Variants in RPS6KC1 observed in about 807,000 individuals in gnomAD.
RPS6KC1 encodes ribosomal protein S6 kinase C1.
In RPS6KC1, 54 loss-of-function variants were observed where a neutral mutation model predicts 103.8. The ratio of observed to expected loss-of-function variants is 0.52; its 90% CI spans 0.42 to 0.65. The LOEUF (loss-of-function observed/expected upper bound fraction) is 0.65, where lower values mean the gene tolerates loss of function less well. RPS6KC1 is among the 30% of genes least tolerant of loss of function. The pLI is 0.00. For synonymous variants in RPS6KC1, 439 were observed against 438.7 expected, an observed-to-expected ratio of 1.00 and a Z score of -0.01; for missense variants, 1,151 against 1,253.8, an observed-to-expected ratio of 0.92 and a Z score of 1.24.
At chr1:213,584,274 T>A in the RPS6KC1 span, among the ~76,000 whole-genome samples, 1 of 152,210 alleles carries the variant, frequency 6.6e-6, no homozygotes, top group African/African-American at 2.4e-5. Context: ...CAGTCTCAGG[T>A]ATGTCTTTAT....
chr1:213,644,313 C>G, the RPS6KC1 span, among the ~76,000 whole-genome samples: 1 of 152,072 alleles, frequency 6.6e-6, no homozygotes, highest in Non-Finnish European at 1.5e-5. Context: ...TCTCCATTAT[C>G]AACATCCCCC....
chr1:213,240,679 T>G, intron 10 of RPS6KC1, 23 bp from the exon 11 acceptor site: 1 of 1,553,582 alleles, frequency 6.4e-7, no homozygotes, highest in African/African-American at 1.4e-5. Context: ...TACTTTTGTT[T>G]GTTTTGTTAT....
chr1:213,303,032 A>G, the RPS6KC1 span, among the ~76,000 whole-genome samples: 1 of 152,220 alleles, frequency 6.6e-6, no homozygotes, highest in African/African-American at 2.4e-5. Flanking sequence ...GTGTGGGCAC[A>G]CTAAAGATTT....
At chr1:213,825,046 G>T in the RPS6KC1 span, among the ~76,000 whole-genome samples, 1 of 152,112 alleles carries the variant, frequency 6.6e-6, no homozygotes, top group Admixed American at 6.5e-5. Context: ...AGAGAGGGAG[G>T]GATGTCTCTC....
chr1:213,266,153 A>G (rs748490796), intron 14 of RPS6KC1, among the ~76,000 whole-genome samples: 3 of 152,238 alleles, frequency 2.0e-5, no homozygotes, highest in Non-Finnish European at 4.4e-5. Context: ...GATGAAGCAT[A>G]TATTGGAATT....
the RPS6KC1 span, among the ~76,000 whole-genome samples, chr1:213,542,409 T>C: frequency 6.6e-6 from 1 of 152,302 alleles, no homozygotes; most frequent in South Asian, 2.1e-4. Context: ...AGTGTCCCCA[T>C]CTTCAGAAGG....
the RPS6KC1 span, among the ~76,000 whole-genome samples, chr1:213,496,028 A>G: frequency 6.6e-6 from 1 of 152,192 alleles, no homozygotes; most frequent in African/African-American, 2.4e-5. Context: ...AGGAGCTCAA[A>G]AGATACTTTT....
the RPS6KC1 span, among the ~76,000 whole-genome samples, chr1:213,437,662 T>C: frequency 1.3e-5 from 2 of 151,902 alleles, no homozygotes; most frequent in African/African-American, 4.8e-5. Flanking sequence ...ATACACACTA[T>C]TCAGATTTTT....
chr1:213,268,937 G>A (rs1292261256), intron 14 of RPS6KC1, among the ~76,000 whole-genome samples: 1 of 151,980 alleles, frequency 6.6e-6, no homozygotes, highest in Non-Finnish European at 1.5e-5. Context: ...GGCAGTAAAG[G>A]AAGAACAAAT....
At chr1:213,602,120 C>CTTTCTTTCTT in the RPS6KC1 span, among the ~76,000 whole-genome samples, 18 of 5,146 alleles carry the variant, frequency 3.5e-3, 1 homozygote, top group Middle Eastern at 0.083. Context: ...TTCTTTCTTT[C>CTTTCTTTCTT]TCTTTCTTTC....
chr1:213,277,746 C>T (rs992721012), downstream of RPS6KC1, among the ~76,000 whole-genome samples: 2 of 152,196 alleles, frequency 1.3e-5, no homozygotes, highest in South Asian at 4.1e-4. Context: ...TGAGTGTTTG[C>T]GAAGGGCTGT....
At chr1:213,628,713 G>A in the RPS6KC1 span, among the ~76,000 whole-genome samples, 8 of 151,762 alleles carry the variant, frequency 5.3e-5, no homozygotes, top group African/African-American at 1.7e-4. Flanking sequence ...TTCTCTTGTG[G>A]GCATTTAGTG....
chr1:213,761,061 G>A, the RPS6KC1 span, among the ~76,000 whole-genome samples: 9 of 151,918 alleles, frequency 5.9e-5, no homozygotes, highest in South Asian at 2.1e-4. Flanking sequence ...AGCTGGTCTC[G>A]GTGACTCTGT....
the RPS6KC1 span, among the ~76,000 whole-genome samples, chr1:213,740,693 C>T: frequency 6.7e-6 from 1 of 150,018 alleles, no homozygotes; most frequent in Non-Finnish European, 1.5e-5. Flanking sequence ...GATATATGTA[C>T]ACATATATAC....
chr1:213,210,689 AT>A (rs2093480156), intron 8 of RPS6KC1, among the ~76,000 whole-genome samples: 1 of 152,368 alleles, frequency 6.6e-6, no homozygotes, highest in Non-Finnish European at 1.5e-5. Flanking sequence ...ATAATGTTAA[AT>A]TTTAATCAAT....
chr1:213,458,890 G>A, the RPS6KC1 span, among the ~76,000 whole-genome samples: 1 of 152,188 alleles, frequency 6.6e-6, no homozygotes, highest in Non-Finnish European at 1.5e-5. Flanking sequence ...CATTGGTTCT[G>A]TTTATGTGAT....
chr1:213,592,586 G>A, the RPS6KC1 span, among the ~76,000 whole-genome samples: 1 of 152,020 alleles, frequency 6.6e-6, no homozygotes, highest in Non-Finnish European at 1.5e-5. Context: ...TACCACTTGT[G>A]GAATCTCTGT....
the RPS6KC1 span, among the ~76,000 whole-genome samples, chr1:213,434,850 T>G: frequency 6.6e-6 from 1 of 152,212 alleles, no homozygotes. Context: ...GATTACTATG[T>G]GCCTTGTTGT....
the RPS6KC1 span, among the ~76,000 whole-genome samples, chr1:213,386,405 G>A: frequency 2.6e-5 from 4 of 152,174 alleles, no homozygotes; most frequent in African/African-American, 9.7e-5. Flanking sequence ...TGTGCAAAGT[G>A]GGTTGTTACC....
Sources: allele counts gnomAD v4.1 joint callset (sites outside exome capture counted in the v4.1 genomes callset), GRCh38; gene constraint gnomAD v4.1.1; transcripts MANE v1.5; gene names NCBI Gene and HGNC (gene_info 2026-07-23, HGNC 2026-07-21).